The following PLXNA4 variants were observed in gnomAD, a reference collection of about 807,000 sequenced individuals.
PLXNA4 encodes the protein plexin A4, also known as plexin-A4.
A neutral mutation model predicts 191.8 loss-of-function variants in PLXNA4; 44 were observed. The ratio of observed to expected loss-of-function variants is 0.23; its 90% CI spans 0.18 to 0.29. PLXNA4 has a LOEUF of 0.29. PLXNA4 is among the 10% of genes least tolerant of loss of function. The pLI is 1.00. For missense variants in PLXNA4, 1,800 were observed against 2,488.8 expected, an observed-to-expected ratio of 0.72 and a Z score of 5.89; for synonymous variants, 1,082 against 1,009.5, an observed-to-expected ratio of 1.07 and a Z score of -1.36.
chr7:132,357,714 C>A lies in PLXNA4; in HGVS notation c.1372-59492G>T, dbSNP rs529339410. ...TTTGTAGAAAGCCACTCAGCCTTCTCTTTGCTGCCAACACAAACCTTCTTT... is the reference window on the plus strand; with the variant it reads ...TTTGTAGAAAGCCACTCAGCCTTCTATTTGCTGCCAACACAAACCTTCTTT... On this transcript the variant is annotated intron_variant, in intron 3 of 31. Transcript: ENST00000321063. Among the ~76,000 whole-genome samples the A allele has an allele frequency of 7.2e-5, 11 of 152,322 alleles. No individual in the cohort carries two copies. In the East Asian group the frequency reaches 2.1e-3, roughly 29 times the overall value.
At chr7:132,255,046 C>T (rs11760515) in intron 4 of PLXNA4, among the ~76,000 whole-genome samples, 16,732 of 152,182 alleles carry the variant, frequency 0.11, 1,051 homozygotes, top group Middle Eastern at 0.18. Context: ...TCTGTCCATT[C>T]AGGCCTCTGC....
rs532065475 is a variant in PLXNA4 at position 132,587,474 on chromosome 7, A to C, written c.-87+58454T>G. Among the ~76,000 whole-genome samples the C allele has an allele frequency of 2.1e-3, 314 of 152,356 alleles. 1 individual carries two copies. The highest frequency in any genetic ancestry group is 2.3e-3 in the Non-Finnish European group (155 of 68,040). The stretch of plus-strand genomic sequence containing the variant: ...CGTGTGGTCAGGCAGAAACCAGGGG[A>C]CACTCAAGTGAAGACTAGAGTTTGG... On this transcript the variant is annotated intron_variant, in intron 2 of 4. Coordinates refer to the PLXNA4 transcript ENST00000378539.
intron 3 of PLXNA4, among the ~76,000 whole-genome samples, chr7:132,365,364 T>TGCGCGCGTGCGTGCGCGC (rs1804129212): frequency 6.8e-6 from 1 of 147,214 alleles, no homozygotes; most frequent in African/African-American, 2.5e-5. Flanking sequence ...TGTGTGTGCG[T>TGCGCGCGTGCGTGCGCGC]GCGCGCGCAT....
rs1217250963 is a variant in PLXNA4, at chr7:132,518,238, T to C, written c.-86-9459A>G. ...ATCTCAGAAATGAGTGTCACATTCATCAAAGGAAAGAGCCAGAGGGTAGGG... is the reference window on the plus strand; with the variant it reads ...ATCTCAGAAATGAGTGTCACATTCACCAAAGGAAAGAGCCAGAGGGTAGGG... On this transcript the variant is annotated intron_variant, in intron 1 of 31. Transcript: ENST00000321063. Among the ~76,000 whole-genome samples the C allele has an allele frequency of 2.6e-5, 4 of 152,096 alleles. No homozygotes were observed. In the East Asian group the frequency reaches 7.7e-4, roughly 29 times the overall value.
intron 3 of PLXNA4, among the ~76,000 whole-genome samples, chr7:132,388,147 G>A (rs908790290): frequency 1.3e-5 from 2 of 152,142 alleles, no homozygotes; most frequent in South Asian, 4.1e-4. Flanking sequence ...AGATTCATAA[G>A]AGACTTCTAT....
chr7:132,262,285 C>T (rs1200181340), intron 4 of PLXNA4, among the ~76,000 whole-genome samples: 5 of 152,156 alleles, frequency 3.3e-5, no homozygotes, highest in East Asian at 1.9e-4. Flanking sequence ...CCTTGCCGCT[C>T]GGGGGCTGCC....
At chr7:132,639,587 G>C (rs1364589047) in intron 2 of PLXNA4, among the ~76,000 whole-genome samples, 2 of 152,148 alleles carry the variant, frequency 1.3e-5, no homozygotes, top group Non-Finnish European at 2.9e-5. Context: ...ATCTTTCCAG[G>C]CTTTACCTCT....
intron 13 of PLXNA4, among the ~76,000 whole-genome samples, chr7:132,194,563 G>A (rs1407038274): frequency 6.6e-6 from 1 of 152,224 alleles, no homozygotes; most frequent in African/African-American, 2.4e-5. Flanking sequence ...GCTGCAGCAA[G>A]TCAAACCAGA....
intron 10 of PLXNA4, among the ~76,000 whole-genome samples, chr7:132,206,916 G>A (rs1250622582): frequency 6.6e-6 from 1 of 152,186 alleles, no homozygotes; most frequent in Admixed American, 6.5e-5. Context: ...GAGGCCGGGA[G>A]GTTAAGTGTC....
chr7:132,369,596 G>T (rs1385674957), intron 3 of PLXNA4, among the ~76,000 whole-genome samples: 1 of 152,124 alleles, frequency 6.6e-6, no homozygotes, highest in Non-Finnish European at 1.5e-5. Context: ...CATCTGTGTT[G>T]ACAGAGAAGG....
chr7:132,299,948 A>G (rs780179387), intron 3 of PLXNA4, among the ~76,000 whole-genome samples: 4 of 152,202 alleles, frequency 2.6e-5, no homozygotes, highest in Non-Finnish European at 4.4e-5. Context: ...CCTAACAAGG[A>G]AGGGAACTGG....
chr7:132,211,956 A>G lies in PLXNA4; in HGVS notation c.2098-813T>C, dbSNP rs370511041. 1.6e-4 allele frequency among the ~76,000 whole-genome samples: 25 copies of G among 152,276 alleles called. No homozygotes were observed. The East Asian group carries it at 4.8e-3, about 29-fold the overall frequency. On this transcript the variant is annotated intron_variant, in intron 9 of 31. Transcript: ENST00000321063. The stretch of plus-strand genomic sequence containing the variant: ...AAGAAGGAGGGTGGGTGCTCTGCCC[A>G]GTTGAGTGGTAGGAGCTGGTGTGTT...
chr7:132,456,579 T>A (rs2117331454), intron 3 of PLXNA4, among the ~76,000 whole-genome samples: 1 of 152,238 alleles, frequency 6.6e-6, no homozygotes, highest in South Asian at 2.1e-4. Flanking sequence ...ATTATGGAGC[T>A]CTAACCATGC....
chr7:132,482,162 C>T (rs1296724736), intron 3 of PLXNA4, among the ~76,000 whole-genome samples: 2 of 152,222 alleles, frequency 1.3e-5, no homozygotes, highest in East Asian at 3.8e-4. Flanking sequence ...TCATGACCTA[C>T]AGAGTCCCTT....
intron 24 of PLXNA4, among the ~76,000 whole-genome samples, chr7:132,160,478 C>T (rs969386263): frequency 2.6e-5 from 4 of 152,138 alleles, no homozygotes; most frequent in Admixed American, 2.6e-4. Flanking sequence ...CTTTTCTTCT[C>T]TTGCTGTTCT....
intron 8 of PLXNA4, among the ~76,000 whole-genome samples, chr7:132,224,156 A>G (rs945551236): frequency 6.6e-6 from 1 of 152,170 alleles, no homozygotes; most frequent in Admixed American, 6.5e-5. Flanking sequence ...AGACAATTTT[A>G]TAAGAGCTCC....
chr7:132,333,373 C>T (rs1802675178), intron 3 of PLXNA4, among the ~76,000 whole-genome samples: 1 of 152,212 alleles, frequency 6.6e-6, no homozygotes, highest in Admixed American at 6.5e-5. Context: ...GCTGGAGCTC[C>T]CGTGCATCTT....
chr7:132,226,007 G>A (rs752456459), intron 8 of PLXNA4, among the ~76,000 whole-genome samples, 154 bp downstream of exon 8: 71 of 149,674 alleles, frequency 4.7e-4, no homozygotes, highest in Middle Eastern at 3.4e-3. Context: ...CTTCTAAATG[G>A]TGACTCCCTG....
chr7:132,211,277 G>A (rs377066360), intron 9 of PLXNA4, 134 bp from the exon 10 acceptor site: 63 of 882,356 alleles, frequency 7.1e-5, no homozygotes, highest in East Asian at 3.7e-4. Flanking sequence ...TGAGGTGCTC[G>A]TGCCCACCCA....
Sources: gnomAD v4.1 joint callset for allele counts (sites outside exome capture counted in the v4.1 genomes callset) on GRCh38, gnomAD v4.1.1 for gene constraint, MANE v1.5 for transcripts, NCBI Gene and HGNC (gene_info 2026-07-23, HGNC 2026-07-21) for gene names.